Variants in AGBL1 observed in about 807,000 individuals in gnomAD.
AGBL1 encodes the protein cytosolic carboxypeptidase 4.
Under a neutral mutation model 118.9 loss-of-function variants are expected in AGBL1, and 130 were observed. The observed-to-expected ratio is 1.09, with a 90% CI of 0.95 to 1.26. The LOEUF (loss-of-function observed/expected upper bound fraction) is 1.26. AGBL1 is among the 50% of genes most tolerant of loss of function. The probability of loss-of-function intolerance (pLI) is 0.00; values close to 1 mark genes in which losing one functional copy is unlikely to be tolerated. For synonymous variants in AGBL1, 555 were observed against 478.9 expected (o/e 1.16, Z -2.08); for missense variants, 1,584 against 1,298.1 (o/e 1.22, Z -3.38).
chr15:86,891,812 C>G (rs533933663), intron 22 of AGBL1, among the ~76,000 whole-genome samples: 3 of 152,224 alleles, frequency 2.0e-5, no homozygotes, highest in Admixed American at 2.0e-4. Context: ...CACCAAAGCC[C>G]AGCTGTATTT....
intron 18 of AGBL1, among the ~76,000 whole-genome samples, chr15:86,406,273 AGGGCAT>A (rs2081529184): frequency 6.6e-6 from 1 of 152,202 alleles, no homozygotes; most frequent in Non-Finnish European, 1.5e-5. Flanking sequence ...TCAACTGTCA[AGGGCAT>A]CTGAGCACTG....
chr15:86,354,987 A>T (rs28488576), intron 17 of AGBL1, among the ~76,000 whole-genome samples: 72,725 of 152,016 alleles, frequency 0.48, 18,638 homozygotes, highest in Non-Finnish European at 0.57. Context: ...TGAGAGAGAC[A>T]CCTAGTTGAC....
At chr15:86,874,408 A>G (rs887932606) in intron 22 of AGBL1, among the ~76,000 whole-genome samples, 1 of 150,708 alleles carries the variant, frequency 6.6e-6, no homozygotes, top group Admixed American at 6.6e-5. Context: ...ACACACACAC[A>G]CCCTGGGGCC....
rs182601782 is a variant in AGBL1 at position 86,561,634 on chromosome 15, C to T, written c.2994+7097C>T. On this transcript the variant is annotated intron_variant, in intron 21 of 22. Coordinates refer to ENST00000614907, the MANE Select transcript of AGBL1 (RefSeq NM_001386094.1). ...TTGGCTTAGGATTGTCTTGGCAATG[C>T]GGGCTCTTTTTTGGTGCTATATGAA... Among the ~76,000 whole-genome samples, 402 of 152,188 alleles carry T rather than the reference C, an allele frequency of 2.6e-3. 2 individuals are homozygous for T. The highest frequency in any genetic ancestry group is 8.4e-3 in the African/African-American group (349 of 41,530).
chr15:86,662,994 T>C (rs2085572521), intron 21 of AGBL1, among the ~76,000 whole-genome samples: 1 of 152,230 alleles, frequency 6.6e-6, no homozygotes, highest in Non-Finnish European at 1.5e-5. Flanking sequence ...CTGGATGGAC[T>C]TGAATGAGCT....
At chr15:86,608,440 C>CT (rs1848599502) in intron 21 of AGBL1, among the ~76,000 whole-genome samples, 1 of 152,172 alleles carries the variant, frequency 6.6e-6, no homozygotes, top group Admixed American at 6.5e-5. Context: ...ACACAACGTT[C>CT]TTTTTTCTCT....
chr15:86,814,341 T>C (rs1214344356), intron 22 of AGBL1, among the ~76,000 whole-genome samples: 6 of 152,130 alleles, frequency 3.9e-5, no homozygotes, highest in Non-Finnish European at 5.9e-5. Context: ...CTACCATCTG[T>C]GGAAACATCA....
intron 17 of AGBL1, among the ~76,000 whole-genome samples, chr15:86,344,201 G>A (rs1292536296): frequency 6.6e-6 from 1 of 152,194 alleles, no homozygotes; most frequent in Non-Finnish European, 1.5e-5. Flanking sequence ...GGACAAAAAA[G>A]CAGAATTGTA....
intron 1 of AGBL1, among the ~76,000 whole-genome samples, chr15:86,097,026 A>G (rs777767317): frequency 2.6e-5 from 4 of 152,150 alleles, no homozygotes; most frequent in Non-Finnish European, 5.9e-5. Context: ...CCCTGTACTG[A>G]GACGCTCAAA....
chr15:86,181,150 T>C (rs187500782), intron 5 of AGBL1, among the ~76,000 whole-genome samples: 1 of 150,920 alleles, frequency 6.6e-6, no homozygotes, highest in African/African-American at 2.5e-5. Context: ...GTTCACACAC[T>C]CCTCTTCTGG....
At position 86,688,176 on chromosome 15, in the gene AGBL1, G is replaced by T. The variant is rs189741145; in HGVS notation, c.3158+13740G>T. The stretch of plus-strand genomic sequence containing the variant: ...AAGGCACATTGCTTGGTGCTGCAGG[G>T]GATTGATGCTTGAGGAGGGAGGTCC... On this transcript the variant is annotated intron_variant, in intron 22 of 22. Transcript: ENST00000614907. Among the ~76,000 whole-genome samples, 365 of 152,202 alleles carry T rather than the reference G, an allele frequency of 2.4e-3. 3 individuals are homozygous for T. The highest frequency in any genetic ancestry group is 0.014 in the Middle Eastern group (4 of 294).
intron 19 of AGBL1, among the ~76,000 whole-genome samples, chr15:86,534,796 A>T (rs570551238): frequency 1.3e-5 from 2 of 152,224 alleles, no homozygotes; most frequent in African/African-American, 4.8e-5. Context: ...AAGACTACAT[A>T]CTCTATTCTC....
At chr15:86,404,934 G>A (rs1213277656) in intron 18 of AGBL1, among the ~76,000 whole-genome samples, 2 of 152,108 alleles carry the variant, frequency 1.3e-5, no homozygotes, top group African/African-American at 4.8e-5. Flanking sequence ...AGAGGAAAAT[G>A]TACCTGAAAA....
At chr15:86,221,752 CTT>C (rs77648155) in intron 5 of AGBL1, among the ~76,000 whole-genome samples, 4 of 145,758 alleles carry the variant, frequency 2.7e-5, no homozygotes, top group African/African-American at 7.5e-5. Flanking sequence ...TATTTACAAA[CTT>C]TTTTTTTTTT....
chr15:86,244,930 A>C (rs1245307741), intron 6 of AGBL1, among the ~76,000 whole-genome samples: 1 of 152,198 alleles, frequency 6.6e-6, no homozygotes, highest in South Asian at 2.1e-4. Context: ...TGTATGGCCA[A>C]GATCTGCCAG....
At chr15:86,133,870 A>T (rs1479053790) in intron 1 of AGBL1, among the ~76,000 whole-genome samples, 1 of 152,200 alleles carries the variant, frequency 6.6e-6, no homozygotes, top group Non-Finnish European at 1.5e-5. Context: ...ATATCTTAAC[A>T]TTTTGTTACA....
At chr15:86,962,758 T>A (rs959878966) in intron 23 of AGBL1, among the ~76,000 whole-genome samples, 3 of 152,082 alleles carry the variant, frequency 2.0e-5, no homozygotes, top group African/African-American at 7.2e-5. Flanking sequence ...AAAAGGAAGG[T>A]TAGCATCACT....
intron 18 of AGBL1, among the ~76,000 whole-genome samples, chr15:86,463,380 T>G (rs544568281): frequency 3.3e-5 from 5 of 152,192 alleles, no homozygotes; most frequent in African/African-American, 1.2e-4. Context: ...TTTCTCCCAT[T>G]CTGTAGGTTG....
chr15:86,838,404 G>A (rs1008970850), intron 22 of AGBL1, among the ~76,000 whole-genome samples: 1 of 152,100 alleles, frequency 6.6e-6, no homozygotes, highest in Non-Finnish European at 1.5e-5. Flanking sequence ...AGTGTGGAAA[G>A]GCTGGACATT....
Sources: allele counts gnomAD v4.1 joint callset (sites outside exome capture counted in the v4.1 genomes callset), GRCh38; gene constraint gnomAD v4.1.1; transcripts MANE v1.5; gene names NCBI Gene and HGNC (gene_info 2026-07-23, HGNC 2026-07-21).